PXDNL: variants seen among roughly 807,000 people sequenced by gnomAD.
PXDNL encodes peroxidasin like.
A neutral mutation model predicts 150.8 loss-of-function variants in PXDNL; 145 were observed. The ratio of observed to expected loss-of-function variants is 0.96; its 90% CI spans 0.84 to 1.10. PXDNL has a LOEUF of 1.10. PXDNL is among the 50% of genes least tolerant of loss of function. The probability of loss-of-function intolerance (pLI) is 0.00; values close to 1 mark genes in which losing one functional copy is unlikely to be tolerated. For synonymous variants in PXDNL, 757 were observed against 725.7 expected (o/e 1.04, Z -0.69); for missense variants, 2,087 against 1,873.9 (o/e 1.11, Z -2.10).
At chr8:51,717,539 G>A (rs529860164) in intron 1 of PXDNL, among the ~76,000 whole-genome samples, 33 of 152,308 alleles carry the variant, frequency 2.2e-4, no homozygotes, top group African/African-American at 7.9e-4. Flanking sequence ...CATCTCTAGT[G>A]TGGGCTTCCC....
chr8:51,363,990 T>A (rs1806834897), intron 19 of PXDNL, among the ~76,000 whole-genome samples: 1 of 152,192 alleles, frequency 6.6e-6, no homozygotes, highest in African/African-American at 2.4e-5. Context: ...ATTGTTTTGG[T>A]AAAAGGTATT....
intron 3 of PXDNL, among the ~76,000 whole-genome samples, chr8:51,563,624 G>A (rs1175555594): frequency 6.6e-6 from 1 of 151,784 alleles, no homozygotes; most frequent in Non-Finnish European, 1.5e-5. Flanking sequence ...ACCCAAATTG[G>A]GCCAAGATGT....
chr8:51,406,029 CACTCAT>C (rs921765780), intron 17 of PXDNL, among the ~76,000 whole-genome samples: 2 of 152,208 alleles, frequency 1.3e-5, no homozygotes, highest in African/African-American at 4.8e-5. Context: ...TCTGAAAGGC[CACTCAT>C]ACTTCACATC....
chr8:51,517,715 G>A (rs767838083), intron 4 of PXDNL, among the ~76,000 whole-genome samples: 9 of 152,184 alleles, frequency 5.9e-5, no homozygotes, highest in Admixed American at 1.3e-4. Context: ...TTCCTAACTG[G>A]TGACAAGCTT....
chr8:51,683,051 T>A lies in PXDNL; in HGVS notation c.165-28291A>T, dbSNP rs187668626. On this transcript the variant is annotated intron_variant, in intron 1 of 22. Coordinates refer to ENST00000356297, the MANE Select transcript of PXDNL (RefSeq NM_144651.5). ...ATCATATGGTAGTTATATTTTTAATTTTCTGAGGAATCTCCATACTGTTTT... is the reference window on the plus strand; with the variant it reads ...ATCATATGGTAGTTATATTTTTAATATTCTGAGGAATCTCCATACTGTTTT... 1.1e-3 allele frequency among the ~76,000 whole-genome samples: 159 copies of A among 151,230 alleles called. 1 individual carries two copies. Among genetic ancestry groups the A allele is most frequent in the Middle Eastern group, 6.9e-3 (2 of 290 alleles).
At chr8:51,649,472 T>C (rs1212173409) in intron 2 of PXDNL, among the ~76,000 whole-genome samples, 1 of 152,180 alleles carries the variant, frequency 6.6e-6, no homozygotes, top group African/African-American at 2.4e-5. Context: ...CTAGAAGACA[T>C]AATCTCTTAG....
At chr8:51,546,827 A>G (rs545549547) in intron 4 of PXDNL, among the ~76,000 whole-genome samples, 1 of 152,280 alleles carries the variant, frequency 6.6e-6, no homozygotes, top group Admixed American at 6.5e-5. Context: ...CAGGAGTGAG[A>G]CTGGCCTTGC....
intron 1 of PXDNL, among the ~76,000 whole-genome samples, chr8:51,800,522 G>A (rs911068660): frequency 6.6e-6 from 1 of 152,200 alleles, no homozygotes; most frequent in South Asian, 2.1e-4. Flanking sequence ...TCAGTGTGGA[G>A]AAAATGGCCA....
rs747020324 is a variant in PXDNL, at chr8:51,319,597, A to G, written c.*294T>C. The G allele has an allele frequency of 4.9e-5, 9 of 184,500 alleles. No individual in the cohort carries two copies. Among genetic ancestry groups the G allele is most frequent in the African/African-American group, 7.0e-5 (3 of 42,690 alleles). The allele number at this position is 184,500 out of a possible 1,614,324, so 11.4% of individuals were successfully genotyped here. A position where few individuals can be genotyped will look rare whatever the true frequency, so the allele number is the denominator to read the frequency against. ...TCATATATTTTTTAAATATTCCATG[A>G]TATTCTTTTTATTTCCAGGTGTGGC... On this transcript the variant is annotated 3_prime_UTR_variant, in exon 23 of 23. Transcript: ENST00000356297.
intron 17 of PXDNL, among the ~76,000 whole-genome samples, chr8:51,390,392 C>T (rs532631412): frequency 2.0e-5 from 3 of 152,106 alleles, no homozygotes; most frequent in Non-Finnish European, 4.4e-5. Flanking sequence ...TGCCTAAGAT[C>T]ACAAAGTTAA....
At chr8:51,667,605 G>A (rs1008524344) in intron 1 of PXDNL, among the ~76,000 whole-genome samples, 2 of 152,110 alleles carry the variant, frequency 1.3e-5, no homozygotes, top group African/African-American at 2.4e-5. Flanking sequence ...AAAGAGCTAT[G>A]GATGCCAAAT....
chr8:51,387,946 T>C (rs1296685718), intron 17 of PXDNL, among the ~76,000 whole-genome samples: 1 of 152,208 alleles, frequency 6.6e-6, no homozygotes, highest in Non-Finnish European at 1.5e-5. Flanking sequence ...ATGATTTGAC[T>C]GACAAGCATT....
chr8:51,792,812 T>C (rs1161106734), intron 1 of PXDNL, among the ~76,000 whole-genome samples: 5 of 152,156 alleles, frequency 3.3e-5, no homozygotes, highest in African/African-American at 9.7e-5. Flanking sequence ...AGCCTTGGGT[T>C]TAGGGACAGC....
chr8:51,422,604 G>C (rs554867967), intron 14 of PXDNL, among the ~76,000 whole-genome samples: 19 of 152,232 alleles, frequency 1.2e-4, no homozygotes, highest in Admixed American at 9.8e-4. Flanking sequence ...AAACTAAAAG[G>C]TAAAAAAGAA....
chr8:51,435,678 C>T (rs376368196), intron 12 of PXDNL: 78 of 229,932 alleles, frequency 3.4e-4, no homozygotes, highest in African/African-American at 1.7e-3. Context: ...GAAAAAGAGG[C>T]GGAGCAGCCA....
At chr8:51,373,085 C>T (rs1182231126) in intron 18 of PXDNL, among the ~76,000 whole-genome samples, 1 of 152,098 alleles carries the variant, frequency 6.6e-6, no homozygotes, top group Non-Finnish European at 1.5e-5. Context: ...AGTCCTATGC[C>T]CCAGTACCTT....
chr8:51,439,097 CT>C (rs1275983091), intron 12 of PXDNL, among the ~76,000 whole-genome samples: 1 of 152,138 alleles, frequency 6.6e-6, no homozygotes, highest in African/African-American at 2.4e-5. Context: ...AAATAACAAG[CT>C]TCTGCATAGT....
At chr8:51,436,128 A>G (rs895874522) in intron 12 of PXDNL, 1 of 514,736 alleles carries the variant, frequency 1.9e-6, no homozygotes, top group Admixed American at 2.1e-5. Context: ...TTGATGAATT[A>G]CTACATTATG....
intron 19 of PXDNL, among the ~76,000 whole-genome samples, chr8:51,371,118 C>T (rs1807101199): frequency 6.6e-6 from 1 of 152,318 alleles, no homozygotes; most frequent in South Asian, 2.1e-4. Context: ...CACCTGCTCA[C>T]CTGTGAAGAC....
Sources: gnomAD v4.1 joint callset for allele counts (sites outside exome capture counted in the v4.1 genomes callset) on GRCh38, gnomAD v4.1.1 for gene constraint, MANE v1.5 for transcripts, NCBI Gene and HGNC (gene_info 2026-07-23, HGNC 2026-07-21) for gene names.